ROBO2: variants seen among roughly 807,000 people sequenced by gnomAD.
ROBO2 encodes roundabout homolog 2.
ROBO2 carries 53 observed loss-of-function variants against 160.8 expected under a neutral mutation model. The observed-to-expected ratio is 0.33, with a 90% confidence interval of 0.26 to 0.41. The LOEUF is 0.41. Among genes scored for constraint, ROBO2 ranks in the 10% least tolerant of loss-of-function variants. ROBO2 has a pLI of 1.00. For synonymous variants in ROBO2, 664 were observed against 611.7 expected, an observed-to-expected ratio of 1.09 and a Z score of -1.26; for missense variants, 1,577 against 1,722.4, an observed-to-expected ratio of 0.92 and a Z score of 1.49.
At chr3:76,209,076 C>T (rs535118502) in intron 2 of ROBO2, among the ~76,000 whole-genome samples, 1 of 152,268 alleles carries the variant, frequency 6.6e-6, no homozygotes, top group Admixed American at 6.5e-5. Flanking sequence ...TCTATGCACT[C>T]TTCCAGATTA....
At chr3:76,058,461 C>T (rs954095788) in intron 2 of ROBO2, among the ~76,000 whole-genome samples, 15 of 152,002 alleles carry the variant, frequency 9.9e-5, no homozygotes, top group African/African-American at 3.6e-4. Context: ...TGTAATATTG[C>T]CTTTTGCATG....
intron 2 of ROBO2, among the ~76,000 whole-genome samples, chr3:77,027,468 G>C (rs2063039947): frequency 6.6e-6 from 1 of 152,150 alleles, no homozygotes; most frequent in Admixed American, 6.5e-5. Context: ...ACATTCCAGA[G>C]AGCATATATA....
In ROBO2 at chr3:76,520,494, T is replaced by A. The variant is rs112589868; in HGVS notation, c.110-577520T>A. Among the ~76,000 whole-genome samples the A allele has an allele frequency of 4.5e-3, 683 of 152,254 alleles. 4 individuals are homozygous for A. The highest frequency in any genetic ancestry group is 0.016 in the African/African-American group (652 of 41,554). On this transcript the variant is annotated intron_variant, in intron 2 of 26. Coordinates refer to the ROBO2 transcript ENST00000487694. Reference sequence around the variant, plus strand: ...TGTGATGATAAGTAGTATAGCATCCTATAAAGAGTAGTGGGCTGAGAATCA... The same window carrying A: ...TGTGATGATAAGTAGTATAGCATCCAATAAAGAGTAGTGGGCTGAGAATCA...
intron 2 of ROBO2, among the ~76,000 whole-genome samples, chr3:76,184,879 A>G (rs1397711521): frequency 6.6e-6 from 1 of 151,874 alleles, no homozygotes; most frequent in Non-Finnish European, 1.5e-5. Context: ...GAAGACAGAC[A>G]TATTTGCCTT....
At chr3:75,924,877 A>C (rs1947222296) in intron 1 of ROBO2, among the ~76,000 whole-genome samples, 2 of 149,626 alleles carry the variant, frequency 1.3e-5, no homozygotes, top group South Asian at 4.2e-4. Context: ...TTTAGTAGAG[A>C]CGGGGTTTCA....
chr3:77,171,693 G>A (rs954453191), intron 2 of ROBO2, among the ~76,000 whole-genome samples: 3 of 152,166 alleles, frequency 2.0e-5, no homozygotes, highest in African/African-American at 4.8e-5. Context: ...TGCCAGAGAA[G>A]CATCATTTAA....
intron 5 of ROBO2, among the ~76,000 whole-genome samples, chr3:77,507,435 C>T (rs2088718797): frequency 6.6e-6 from 1 of 152,114 alleles, no homozygotes; most frequent in African/African-American, 2.4e-5. Flanking sequence ...CCAATTTTAC[C>T]GTGAATTGGC....
intron 2 of ROBO2, among the ~76,000 whole-genome samples, chr3:76,060,283 C>CATT (rs1559877369): frequency 7.4e-6 from 1 of 134,304 alleles, no homozygotes; most frequent in Non-Finnish European, 1.6e-5. Context: ...CACACAGAGA[C>CATT]CTGATTTTTG....
At chr3:76,864,511 G>C (rs529414623) in intron 2 of ROBO2, among the ~76,000 whole-genome samples, 1 of 151,998 alleles carries the variant, frequency 6.6e-6, no homozygotes, top group Non-Finnish European at 1.5e-5. Context: ...CTCTAGGGTA[G>C]AATTGCCAGA....
chr3:77,248,277 T>C (rs2089959772), intron 2 of ROBO2, among the ~76,000 whole-genome samples: 1 of 152,252 alleles, frequency 6.6e-6, no homozygotes, highest in South Asian at 2.1e-4. Flanking sequence ...TCCAGTTAGT[T>C]CATGCAACCT....
chr3:76,469,985 C>A (rs1265650181), intron 2 of ROBO2, among the ~76,000 whole-genome samples: 1 of 152,134 alleles, frequency 6.6e-6, no homozygotes, highest in Admixed American at 6.6e-5. Context: ...ATTCTGCAAG[C>A]CAGCTTGGAC....
chr3:75,975,383 C>A (rs1479825548), intron 2 of ROBO2, among the ~76,000 whole-genome samples: 1 of 151,162 alleles, frequency 6.6e-6, no homozygotes, highest in Non-Finnish European at 1.5e-5. Context: ...ATTTGAAGAG[C>A]AATTTTGTCT....
chr3:77,185,796 G>A (rs1484238546), intron 2 of ROBO2, among the ~76,000 whole-genome samples: 1 of 137,042 alleles, frequency 7.3e-6, no homozygotes, highest in Non-Finnish European at 1.6e-5. Context: ...TAAATAAACT[G>A]TGATACACAC....
At chr3:76,954,074 C>A (rs2079106922) in intron 2 of ROBO2, among the ~76,000 whole-genome samples, 2 of 152,134 alleles carry the variant, frequency 1.3e-5, no homozygotes, top group South Asian at 4.1e-4. Context: ...TTACAAGTCC[C>A]AGATGATTCG....
intron 8 of ROBO2, among the ~76,000 whole-genome samples, chr3:77,555,449 G>A (rs1262174658): frequency 6.6e-6 from 1 of 151,944 alleles, no homozygotes; most frequent in Admixed American, 6.6e-5. Flanking sequence ...ATGCTGAATA[G>A]TGCTATGTTG....
At chr3:77,166,337 T>C (rs1306799469) in intron 2 of ROBO2, among the ~76,000 whole-genome samples, 1 of 152,106 alleles carries the variant, frequency 6.6e-6, no homozygotes, top group Non-Finnish European at 1.5e-5. Flanking sequence ...ACTCAGGAAA[T>C]TTAATATTGA....
intron 2 of ROBO2, among the ~76,000 whole-genome samples, chr3:77,442,060 C>A (rs1349266955): frequency 6.6e-6 from 1 of 152,130 alleles, no homozygotes; most frequent in Non-Finnish European, 1.5e-5. Flanking sequence ...CGCCTATAAT[C>A]CCAGCACTTT....
In ROBO2 at chr3:77,588,663, A is replaced by T. The variant is rs2094112964; in HGVS notation, c.2501-88A>T. 6 of 1,256,706 alleles carry T rather than the reference A, an allele frequency of 4.8e-6. No individual in the cohort carries two copies. In the South Asian group the frequency reaches 7.6e-5, roughly 16 times the overall value. 77.8% of individuals were successfully genotyped at this position (1,256,706 alleles called of 1,614,324 possible). On this transcript the variant is annotated intron_variant, in intron 16 of 25. Coordinates refer to ENST00000461745, the Ensembl canonical transcript of ROBO2. ...AAACAAGCATTTCCTGCCTTCAAAT[A>T]ATTTTTCTTCATTTTTGATGCACCA...
chr3:76,962,891 C>A (rs2079777805), intron 2 of ROBO2, among the ~76,000 whole-genome samples: 1 of 152,150 alleles, frequency 6.6e-6, no homozygotes, highest in Non-Finnish European at 1.5e-5. Context: ...CTGCAAGGTT[C>A]AATCTGTTCT....
Sources: gnomAD v4.1 joint callset for allele counts (sites outside exome capture counted in the v4.1 genomes callset) on GRCh38, gnomAD v4.1.1 for gene constraint, MANE v1.5 for transcripts, NCBI Gene and HGNC (gene_info 2026-07-23, HGNC 2026-07-21) for gene names.